KIAA1614: variants seen among roughly 807,000 people sequenced by gnomAD.
KIAA1614 encodes the protein uncharacterized protein KIAA1614.
A neutral mutation model predicts 88.7 loss-of-function variants in KIAA1614; 76 were observed. That is an observed-to-expected ratio of 0.86 (90% CI 0.71 to 1.04). The LOEUF is 1.04. KIAA1614 is among the 50% of genes least tolerant of loss of function. The pLI is 0.00. For missense variants in KIAA1614, 1,553 were observed against 1,582.5 expected (o/e 0.98, Z 0.32); for synonymous variants, 714 against 675.5 (o/e 1.06, Z -0.88).
intron 2 of KIAA1614, among the ~76,000 whole-genome samples, chr1:180,917,508 G>T (rs781486690): frequency 2.6e-5 from 4 of 152,082 alleles, no homozygotes; most frequent in African/African-American, 9.7e-5. Context: ...GAGGCTGGGC[G>T]TTCTAGCAGC....
In KIAA1614 at chr1:180,929,378, C is replaced by T. The variant is rs376020031; in HGVS notation, c.1205+805C>T. ...TCTGTGTGTTTGGTGGGGCCTCAGCCGAGGGGTGAGGCCTCAGTGCAGGGT... is the reference window on the plus strand; with the variant it reads ...TCTGTGTGTTTGGTGGGGCCTCAGCTGAGGGGTGAGGCCTCAGTGCAGGGT... On this transcript the variant is annotated intron_variant, in intron 4 of 8. Transcript: ENST00000367588. Among the ~76,000 whole-genome samples, 50 of 152,140 alleles carry T rather than the reference C, an allele frequency of 3.3e-4. No homozygotes were observed. The South Asian group carries it at 7.1e-3, about 22-fold the overall frequency.
Position 180,917,852 on chromosome 1 carries a change from G to C in KIAA1614, c.999G>C (p.Glu333Asp), listed in dbSNP as rs749867049. Reference protein sequence around the residue: ...WTPSWDTAAPERPVGDVDWAS... With the variant: ...WTPSWDTAAPDRPVGDVDWAS... ...CTCTGCTTCTGTTCTGGATCCTAGA[G>C]CGACCAGTGGGGGATGTGGACTGGG... The change falls in exon 3 of 9, where the codon GAG becomes GAC. Residue 333 changes from glutamate to aspartate, a missense_variant and splice_region_variant. Transcript: ENST00000367588. The C allele has an allele frequency of 6.2e-7, 1 of 1,613,892 alleles. No individual in the cohort carries two copies. Among genetic ancestry groups the C allele is most frequent in the South Asian group, 1.1e-5 (1 of 91,078 alleles).
At chr1:180,927,135 C>T (rs536524736) in intron 3 of KIAA1614, among the ~76,000 whole-genome samples, 10 of 152,264 alleles carry the variant, frequency 6.6e-5, no homozygotes, top group Non-Finnish European at 1.5e-4. Context: ...AGAGCTGTGC[C>T]ATTTCCACTC....
Position 180,928,488 on chromosome 1 carries a change from C to A in KIAA1614, c.1120C>A (p.Leu374Met). 1 of 1,613,306 alleles carries A rather than the reference C, an allele frequency of 6.2e-7. No individual in the cohort carries two copies. Among genetic ancestry groups the A allele is most frequent in the Middle Eastern group, 1.7e-4 (1 of 6,058 alleles). ...LSPRHEEATH[L>M]LQRARMKART... ...CCCCAGGCATGAGGAAGCCACGCATCTGCTGCAGCGTGCCCGCATGAAGGC... is the reference window on the plus strand; with the variant it reads ...CCCCAGGCATGAGGAAGCCACGCATATGCTGCAGCGTGCCCGCATGAAGGC... Residue 374 changes from leucine (L) to methionine (M), a missense_variant, in exon 4 of 9, where the codon CTG (leucine) becomes ATG (methionine). Coordinates refer to ENST00000367588, the MANE Select transcript of KIAA1614 (RefSeq NM_020950.2).
intron 3 of KIAA1614, among the ~76,000 whole-genome samples, chr1:180,921,778 C>A (rs545303185): frequency 6.6e-6 from 1 of 152,124 alleles, no homozygotes; most frequent in Admixed American, 6.5e-5. Context: ...TGAGGTGAGA[C>A]GTTGGGCCTC....
intron 6 of KIAA1614, 51 bp from the exon 7 acceptor site, chr1:180,940,994 G>GC: frequency 7.2e-7 from 1 of 1,386,712 alleles, no homozygotes; most frequent in East Asian, 2.6e-5. Context: ...AGTCTCCCTG[G>GC]CCACCCTCCC....
rs777320463 is a variant in KIAA1614 at position 180,916,381 on chromosome 1, A to C, written c.278A>C (p.Lys93Thr). Residue 93 changes from lysine (K) to threonine (T), a missense_variant, in exon 2 of 9, where the codon AAG (lysine) becomes ACG (threonine). Coordinates refer to ENST00000367588, the MANE Select transcript of KIAA1614 (RefSeq NM_020950.2). ...TCCAAGGTGAGGGCTTTGAAGGAGA[A>C]GATGACAGTGGCCAAACAGGGAGTG... The part of the protein sequence containing the change: ...LESKVRALKE[K>T]MTVAKQGVSP... 17 of 1,614,206 alleles carry C rather than the reference A, an allele frequency of 1.1e-5. No homozygotes were observed. The South Asian group carries it at 1.9e-4, about 18-fold the overall frequency.
At chr1:180,919,757 G>A (rs932909308) in intron 3 of KIAA1614, among the ~76,000 whole-genome samples, 4 of 152,152 alleles carry the variant, frequency 2.6e-5, no homozygotes, top group African/African-American at 7.2e-5. Flanking sequence ...GGGAAGGAGG[G>A]GCTTTCCCTT....
At chr1:180,938,760 G>A (rs1321744013) in intron 6 of KIAA1614, 49 bp downstream of exon 6, 1 of 1,584,836 alleles carries the variant, frequency 6.3e-7, no homozygotes, top group Non-Finnish European at 8.6e-7. Context: ...TGGGAATGGG[G>A]GCTCTGGGAG....
intron 3 of KIAA1614, among the ~76,000 whole-genome samples, chr1:180,919,985 T>C (rs1349548687): frequency 6.6e-6 from 1 of 152,192 alleles, no homozygotes; most frequent in Non-Finnish European, 1.5e-5. Flanking sequence ...GTTAACAAAA[T>C]GTCCCCTTAG....
intron 2 of KIAA1614, 102 bp downstream of exon 2, chr1:180,917,202 AGGAG>A (rs1472631452): frequency 2.3e-6 from 2 of 852,280 alleles, no homozygotes; most frequent in African/African-American, 1.7e-5. Flanking sequence ...GGGGCAGGAA[AGGAG>A]GGAGAGCCTG....
chr1:180,926,723 G>A (rs1388494162), intron 3 of KIAA1614, among the ~76,000 whole-genome samples: 2 of 152,226 alleles, frequency 1.3e-5, no homozygotes, highest in East Asian at 1.9e-4. Flanking sequence ...GGCTGCAGGG[G>A]CGCCTCTCCG....
chr1:180,938,987 C>A (rs756715859), intron 6 of KIAA1614, among the ~76,000 whole-genome samples: 3 of 152,240 alleles, frequency 2.0e-5, no homozygotes, highest in African/African-American at 7.2e-5. Context: ...AGAGCCCTAG[C>A]CCTGGGGAGG....
Position 180,945,307 on chromosome 1 carries a change from G to C in KIAA1614, c.3292G>C (p.Ala1098Pro), listed in dbSNP as rs1449934524. 1.0e-5 allele frequency: 16 copies of C among 1,583,048 alleles called. No homozygotes were observed. Among genetic ancestry groups the C allele is most frequent in the Non-Finnish European group, 1.4e-5 (16 of 1,171,806 alleles). The change falls in exon 9 of 9, where the codon GCC becomes CCC. Residue 1098 changes from alanine (A) to proline (P), a missense_variant. Coordinates refer to ENST00000367588, the MANE Select transcript of KIAA1614 (RefSeq NM_020950.2). ...PGDHSAAGRP[A>P]KTSPRRALSV... ...GTGTCTCTGGTTCCCTCGCAGGCCG[G>C]CCAAGACTTCACCACGGCGTGCCCT...
chr1:180,944,519 A>AT lies in KIAA1614; in HGVS notation c.3287+4dup. 6.2e-7 allele frequency: 1 copy of AT among 1,612,616 alleles called. No individual in the cohort carries two copies. Among genetic ancestry groups the AT allele is most frequent in the Non-Finnish European group, 8.5e-7 (1 of 1,179,182 alleles). On this transcript the variant is annotated splice_donor_region_variant and intron_variant, in intron 8 of 8. Transcript: ENST00000367588. ...GGGGACCACAGTGCAGCTGGCAGGT[A>AT]TGAGGGGCACACATGGTTTGGAGGA...
In KIAA1614 at chr1:180,947,997, T is replaced by C. The variant is rs1654634661; in HGVS notation, c.*2409T>C. The C allele has an allele frequency of 6.6e-6, 1 of 152,210 alleles. No individual in the cohort carries two copies. Among genetic ancestry groups the C allele is most frequent in the South Asian group, 2.1e-4 (1 of 4,820 alleles). The allele number at this position is 152,210 out of a possible 1,614,324, so 9.4% of individuals were successfully genotyped here. A position where few individuals can be genotyped will look rare whatever the true frequency, so the allele number is the denominator to read the frequency against. On this transcript the variant is annotated 3_prime_UTR_variant, in exon 9 of 9. Coordinates refer to ENST00000367588, the MANE Select transcript of KIAA1614 (RefSeq NM_020950.2). ...CCCCCAGAGTCCCTTTTTGCTCCCT[T>C]GTAGGCAGTGGGAGCCCCTCCCTGT... is the stretch of plus-strand genomic sequence containing the variant.
chr1:180,944,121 TAATC>T (rs1410415503), intron 7 of KIAA1614: 3 of 236,958 alleles, frequency 1.3e-5, no homozygotes, highest in South Asian at 8.8e-5. Flanking sequence ...TAGATTTCCT[TAATC>T]AATGAGGAAA....
chr1:180,926,731 C>G (rs1276549500), intron 3 of KIAA1614, among the ~76,000 whole-genome samples: 1 of 152,220 alleles, frequency 6.6e-6, no homozygotes, highest in Non-Finnish European at 1.5e-5. Flanking sequence ...GGGCGCCTCT[C>G]CGGGCTGGTA....
chr1:180,942,568 TTGAG>T (rs1450770188), intron 7 of KIAA1614, among the ~76,000 whole-genome samples: 1 of 152,172 alleles, frequency 6.6e-6, no homozygotes, highest in Non-Finnish European at 1.5e-5. Context: ...TATTTGCTGG[TTGAG>T]TGAATGGAAG....
Sources: gnomAD v4.1 joint callset for allele counts (sites outside exome capture counted in the v4.1 genomes callset) on GRCh38, gnomAD v4.1.1 for gene constraint, MANE v1.5 for transcripts, NCBI Gene and HGNC (gene_info 2026-07-23, HGNC 2026-07-21) for gene names.